DZIP3: variants seen among roughly 807,000 people sequenced by gnomAD.
DZIP3 encodes DAZ interacting zinc finger protein 3, also known as E3 ubiquitin-protein ligase DZIP3.
A neutral mutation model predicts 162.0 loss-of-function variants in DZIP3; 118 were observed. The observed-to-expected ratio is 0.73, with a 90% CI of 0.63 to 0.85. The LOEUF (loss-of-function observed/expected upper bound fraction) is 0.85, where lower values mean the gene tolerates loss of function less well. Among genes scored for constraint, DZIP3 ranks in the 40% least tolerant of loss-of-function variants. The pLI is 0.00. For synonymous variants in DZIP3, 438 were observed against 458.6 expected (o/e 0.96, Z 0.57); for missense variants, 1,331 against 1,407.0 (o/e 0.95, Z 0.86).
chr3:108,653,507 GTATA>G (rs57047978), intron 18 of DZIP3, among the ~76,000 whole-genome samples: 15,765 of 104,242 alleles, frequency 0.15, 1,195 homozygotes, highest in South Asian at 0.27. Flanking sequence ...GTGTGTGTGT[GTATA>G]TATATATATA....
chr3:108,658,744 C>G (rs1220562099), intron 19 of DZIP3, among the ~76,000 whole-genome samples: 1 of 151,776 alleles, frequency 6.6e-6, no homozygotes, highest in Non-Finnish European at 1.5e-5. Context: ...AGACCGCTAG[C>G]AAGACTAATA....
intron 9 of DZIP3, among the ~76,000 whole-genome samples, chr3:108,633,989 T>C (rs1388546426): frequency 6.6e-6 from 1 of 151,936 alleles, no homozygotes; most frequent in Non-Finnish European, 1.5e-5. Context: ...TAGATCTATC[T>C]CTCTGGATCT....
chr3:108,675,690 G>A (rs1944081096), intron 24 of DZIP3, 96 bp from the exon 25 acceptor site: 3 of 1,034,348 alleles, frequency 2.9e-6, no homozygotes, highest in Non-Finnish European at 2.7e-6. Flanking sequence ...TTTGTTTTTT[G>A]TTGACATATA....
chr3:108,634,983 C>T lies in DZIP3; in HGVS notation c.918+11C>T, dbSNP rs115990938. 4.1e-4 allele frequency: 611 copies of T among 1,498,008 alleles called. 3 individuals carry two copies. In the African/African-American group the frequency reaches 7.8e-3, roughly 19 times the overall value. The allele number at this position is 1,498,008 out of a possible 1,614,324, so 92.8% of individuals were successfully genotyped here. A position where few individuals can be genotyped will look rare whatever the true frequency, so the allele number is the denominator to read the frequency against. The stretch of plus-strand genomic sequence containing the variant: ...GGTGAAAATGATCAGGTATTATATT[C>T]GTTCTTAAAACTACAACAGCATTTC... On this transcript the variant is annotated intron_variant, in intron 10 of 32. Transcript: ENST00000361582.
intron 5 of DZIP3, among the ~76,000 whole-genome samples, chr3:108,618,534 T>C (rs1266545771): frequency 6.6e-6 from 1 of 152,196 alleles, no homozygotes; most frequent in African/African-American, 2.4e-5. Context: ...CTAGATTCTA[T>C]GGTCTGAACT....
At chr3:108,675,459 A>G (rs1944069408) in intron 24 of DZIP3, among the ~76,000 whole-genome samples, 1 of 152,018 alleles carries the variant, frequency 6.6e-6, no homozygotes, top group Non-Finnish European at 1.5e-5. Flanking sequence ...GCTGTATTAG[A>G]TTACTAAGGC....
chr3:108,610,192 G>T (rs550059041), intron 3 of DZIP3, among the ~76,000 whole-genome samples: 1 of 152,150 alleles, frequency 6.6e-6, no homozygotes, highest in Non-Finnish European at 1.5e-5. Context: ...AGGTATATTT[G>T]TGGAATATAG....
intron 21 of DZIP3, among the ~76,000 whole-genome samples, chr3:108,668,629 G>A (rs1361857112): frequency 2.6e-5 from 4 of 151,976 alleles, no homozygotes; most frequent in Non-Finnish European, 5.9e-5. Flanking sequence ...TTACAGTAAT[G>A]AAGCTTGTAT....
chr3:108,661,305 A>AT (rs766604675), intron 19 of DZIP3, among the ~76,000 whole-genome samples: 35 of 152,230 alleles, frequency 2.3e-4, no homozygotes, highest in Non-Finnish European at 4.0e-4. Flanking sequence ...CTATGCAGCC[A>AT]TAAAAAATGA....
chr3:108,617,362 G>C (rs1264931250), intron 5 of DZIP3, among the ~76,000 whole-genome samples: 1 of 151,932 alleles, frequency 6.6e-6, no homozygotes, highest in Non-Finnish European at 1.5e-5. Flanking sequence ...TGTCGTATAT[G>C]ATAAATATAT....
intron 10 of DZIP3, chr3:108,635,469 A>T: frequency 5.6e-6 from 1 of 177,158 alleles, no homozygotes; most frequent in Non-Finnish European, 1.1e-5. Context: ...ATAGTTACAT[A>T]TCATATGTAG....
chr3:108,679,552 T>C (rs1386935214), intron 26 of DZIP3, among the ~76,000 whole-genome samples: 1 of 152,094 alleles, frequency 6.6e-6, no homozygotes, highest in Non-Finnish European at 1.5e-5. Context: ...AGTACAAGCA[T>C]TGGTGACCAC....
At chr3:108,684,477 C>A in intron 27 of DZIP3, 136 bp downstream of exon 27, 1 of 1,131,006 alleles carries the variant, frequency 8.8e-7, no homozygotes, top group Non-Finnish European at 1.2e-6. Flanking sequence ...TGAATGAATA[C>A]TTCCTGTGAA....
At chr3:108,671,991 G>A (rs1943942461) in intron 22 of DZIP3, among the ~76,000 whole-genome samples, 1 of 151,920 alleles carries the variant, frequency 6.6e-6, no homozygotes, top group Non-Finnish European at 1.5e-5. Context: ...TGGAAGCTGG[G>A]AAGTCCAAGA....
rs369324590 is a variant in DZIP3 at position 108,616,974 on chromosome 3, G to A, written c.375+317G>A. 1.2e-4 allele frequency among the ~76,000 whole-genome samples: 18 copies of A among 152,168 alleles called. No homozygotes were observed. The East Asian group carries it at 2.5e-3, about 21-fold the overall frequency. ...TAATAGAAATGGGCTTTCCCAATCA[G>A]AAATGGAGAATCATAAAGTTAAAAA... On this transcript the variant is annotated intron_variant, in intron 5 of 32. Coordinates refer to ENST00000361582, the MANE Select transcript of DZIP3 (RefSeq NM_014648.4).
At chr3:108,611,039 T>C (rs1269751766) in intron 3 of DZIP3, 135 bp from the exon 4 acceptor site, 13 of 749,676 alleles carry the variant, frequency 1.7e-5, no homozygotes, top group Non-Finnish European at 2.7e-5. Flanking sequence ...AGATTTTTTA[T>C]AATTCTGTCA....
rs186195125 is a variant in DZIP3 at position 108,680,570 on chromosome 3, A to C, written c.2883+2972A>C. Among the ~76,000 whole-genome samples the C allele has an allele frequency of 4.6e-5, 7 of 152,270 alleles. No individual in the cohort carries two copies. In the East Asian group the frequency reaches 1.4e-3, roughly 29 times the overall value. On this transcript the variant is annotated intron_variant, in intron 26 of 32. Coordinates refer to ENST00000361582, the MANE Select transcript of DZIP3 (RefSeq NM_014648.4). ...AAAAAACAAAGATACCTGGGAATAA[A>C]TTTAACCAAGGAGGAGAAAGATCAC...
chr3:108,619,091 G>A (rs1230915461), intron 5 of DZIP3, among the ~76,000 whole-genome samples: 16 of 138,300 alleles, frequency 1.2e-4, no homozygotes, highest in African/African-American at 3.5e-4. Flanking sequence ...AAAAAAGAAA[G>A]CTTATATCCT....
chr3:108,657,753 T>G (rs1943203376), intron 19 of DZIP3, among the ~76,000 whole-genome samples: 1 of 152,138 alleles, frequency 6.6e-6, no homozygotes, highest in Non-Finnish European at 1.5e-5. Context: ...CCATCTCACG[T>G]GCAGAGACAC....
Sources: allele counts gnomAD v4.1 joint callset (sites outside exome capture counted in the v4.1 genomes callset), GRCh38; gene constraint gnomAD v4.1.1; transcripts MANE v1.5; gene names NCBI Gene and HGNC (gene_info 2026-07-23, HGNC 2026-07-21).